The following KRAS variants were observed in gnomAD, a reference collection of about 807,000 sequenced individuals.
KRAS encodes KRas proto-oncogene, GTPase.
In KRAS, 1 loss-of-function variant was observed where a neutral mutation model predicts 21.0. The observed-to-expected ratio is 0.05, with a 90% CI of 0.02 to 0.23. The LOEUF is 0.23. KRAS is among the 10% of genes least tolerant of loss of function. KRAS has a pLI of 1.00. For missense variants in KRAS, 107 were observed against 221.8 expected (o/e 0.48, Z 3.29); for synonymous variants, 67 against 72.5 (o/e 0.92, Z 0.39).
rs1951139844 is a variant in KRAS, at chr12:25,206,481, A to T, written c.*3314T>A. Reference sequence around the variant, plus strand: ...AGAATTCTCCCCCTTTAAAATCTCTACAAAAACAAATCTTTTGTTAAACCA... The same window carrying T: ...AGAATTCTCCCCCTTTAAAATCTCTTCAAAAACAAATCTTTTGTTAAACCA... On this transcript the variant is annotated 3_prime_UTR_variant, in exon 5 of 5. Transcript: ENST00000311936. 1 of 204,066 alleles carries T rather than the reference A, an allele frequency of 4.9e-6. No homozygotes were observed. The highest frequency in any genetic ancestry group is 1.0e-5 in the Non-Finnish European group (1 of 99,768). 12.6% of individuals were successfully genotyped at this position (204,066 alleles called of 1,614,324 possible).
At chr12:25,211,950 T>TA (rs1183607799) in intron 4 of KRAS, among the ~76,000 whole-genome samples, 1 of 152,176 alleles carries the variant, frequency 6.6e-6, no homozygotes, top group Non-Finnish European at 1.5e-5. Flanking sequence ...GGAAAAGTGG[T>TA]AAGAAATAAT....
intron 1 of KRAS, 91 bp from the exon 2 acceptor site, chr12:25,245,486 A>G (rs763532641): frequency 8.0e-7 from 1 of 1,249,194 alleles, no homozygotes; most frequent in Non-Finnish European, 1.1e-6. Context: ...GTACCTTTTA[A>G]TACAAACTCA....
At chr12:25,245,607 A>G (rs1485574028) in intron 1 of KRAS, among the ~76,000 whole-genome samples, 1 of 152,242 alleles carries the variant, frequency 6.6e-6, no homozygotes, top group Non-Finnish European at 1.5e-5. Context: ...AAACTCCTCC[A>G]TCGACGCTTA....
chr12:25,236,521 T>G (rs548657816), intron 2 of KRAS, among the ~76,000 whole-genome samples: 11 of 152,066 alleles, frequency 7.2e-5, no homozygotes, highest in African/African-American at 1.9e-4. Flanking sequence ...AGTGTTTTTT[T>G]GCCTTTCAGT....
intron 2 of KRAS, chr12:25,233,974 G>C (rs961833984): frequency 5.2e-6 from 1 of 192,786 alleles, no homozygotes. Flanking sequence ...GAATGTTCAC[G>C]ACAAATGCCC....
At chr12:25,215,592 T>C (rs1344475404) in intron 4 of KRAS, 1 of 1,568,586 alleles carries the variant, frequency 6.4e-7, no homozygotes, top group Non-Finnish European at 8.8e-7. Flanking sequence ...CTTTAAAGTC[T>C]GTTGCATTGG....
At chr12:25,239,153 GTTAT>G (rs1032070189) in intron 2 of KRAS, among the ~76,000 whole-genome samples, 4 of 152,126 alleles carry the variant, frequency 2.6e-5, no homozygotes, top group African/African-American at 9.7e-5. Context: ...ATATGTTCAT[GTTAT>G]TTATTTTATT....
intron 4 of KRAS, among the ~76,000 whole-genome samples, chr12:25,223,585 T>C (rs916847511): frequency 1.3e-5 from 2 of 152,172 alleles, no homozygotes; most frequent in Non-Finnish European, 2.9e-5. Context: ...GAAATTCAGT[T>C]TTTAATCCTC....
intron 2 of KRAS, among the ~76,000 whole-genome samples, chr12:25,239,477 G>C (rs973305505): frequency 2.0e-5 from 3 of 152,158 alleles, no homozygotes; most frequent in African/African-American, 7.2e-5. Flanking sequence ...GAAACCTAAA[G>C]TTAAATCACT....
At chr12:25,248,591 G>A (rs1951719126) in intron 1 of KRAS, among the ~76,000 whole-genome samples, 1 of 148,480 alleles carries the variant, frequency 6.7e-6, no homozygotes, top group Non-Finnish European at 1.5e-5. Flanking sequence ...ACTTGTTTAT[G>A]CGGTGGTTGT....
chr12:25,248,459 CAA>C (rs1400531883), intron 1 of KRAS, among the ~76,000 whole-genome samples: 1 of 152,042 alleles, frequency 6.6e-6, no homozygotes, highest in South Asian at 2.1e-4. Flanking sequence ...CTCAAAAAAA[CAA>C]AGAGGGTAGA....
At chr12:25,232,043 A>G (rs887805918) in intron 2 of KRAS, among the ~76,000 whole-genome samples, 9 of 152,196 alleles carry the variant, frequency 5.9e-5, no homozygotes, top group African/African-American at 2.2e-4. Context: ...AGGAACATCC[A>G]GGTATATGAA....
rs529925358 is a variant in KRAS, at chr12:25,215,464, T to C, written c.451-5553A>G. 1.5e-5 allele frequency: 24 copies of C among 1,612,748 alleles called. No individual in the cohort carries two copies. The South Asian group carries it at 2.3e-4, about 15-fold the overall frequency. Reference sequence around the variant, plus strand: ...GATTACATTATAATGCATTTTTTAATTTTCACACAGCCAGGAGTCTTTTCT... The same window carrying C: ...GATTACATTATAATGCATTTTTTAACTTTCACACAGCCAGGAGTCTTTTCT... On this transcript the variant is annotated intron_variant, in intron 4 of 4. Coordinates refer to ENST00000311936, the MANE Select transcript of KRAS (RefSeq NM_004985.5).
Position 25,225,706 on chromosome 12 carries a change from A to G in KRAS, c.358T>C (p.Leu120=). The G allele has an allele frequency of 6.2e-7, 1 of 1,613,232 alleles. No homozygotes were observed. Among genetic ancestry groups the G allele is most frequent in the African/African-American group, 1.3e-5 (1 of 75,010 alleles). The change falls in exon 4 of 5, where the codon TTG becomes CTG. Residue 120 remains leucine, a synonymous_variant. Transcript: ENST00000311936. ...TTTGTGTCTACTGTTCTAGAAGGCA[A>G]ATCACATTTATTTCCTACTAGGACC... is the stretch of plus-strand genomic sequence containing the variant. ...PMVLVGNKCD[L]PSRTVDTKQA... is the part of the protein sequence containing the mutation.
At chr12:25,225,440 C>A in intron 4 of KRAS, 174 bp downstream of exon 4, 1 of 593,958 alleles carries the variant, frequency 1.7e-6, no homozygotes, top group East Asian at 3.0e-5. Flanking sequence ...AAGCCAAAAG[C>A]AGTACCATGG....
chr12:25,244,314 G>A (rs1371440078), intron 2 of KRAS, among the ~76,000 whole-genome samples: 1 of 152,168 alleles, frequency 6.6e-6, no homozygotes, highest in Non-Finnish European at 1.5e-5. Context: ...CCAGGGTAAA[G>A]AAGCCTAAGA....
rs1371279234 is a variant in KRAS at position 25,208,273 on chromosome 12, T to G, written c.*1522A>C. The G allele has an allele frequency of 4.3e-6, 1 of 233,176 alleles. No individual in the cohort carries two copies. The highest frequency in any genetic ancestry group is 8.5e-6 in the Non-Finnish European group (1 of 117,826). 14.4% of individuals were successfully genotyped at this position (233,176 alleles called of 1,614,324 possible). A position where few individuals can be genotyped will look rare whatever the true frequency, so the allele number is the denominator to read the frequency against. On this transcript the variant is annotated 3_prime_UTR_variant, in exon 5 of 5. Coordinates refer to ENST00000311936, the MANE Select transcript of KRAS (RefSeq NM_004985.5). Reference sequence around the variant, plus strand: ...TCCTAAAAGACACCTATCTAGAACCTAAGTCACCTTCTTCCTAGTCCAGTG... The same window carrying G: ...TCCTAAAAGACACCTATCTAGAACCGAAGTCACCTTCTTCCTAGTCCAGTG...
At chr12:25,226,954 T>C (rs1017395317) in intron 3 of KRAS, among the ~76,000 whole-genome samples, 1 of 152,156 alleles carries the variant, frequency 6.6e-6, no homozygotes, top group Admixed American at 6.5e-5. Flanking sequence ...AAGTTTAAAG[T>C]CTTGCTTTTG....
intron 4 of KRAS, among the ~76,000 whole-genome samples, chr12:25,224,724 C>A (rs1185911785): frequency 6.6e-6 from 1 of 152,048 alleles, no homozygotes; most frequent in African/African-American, 2.4e-5. Context: ...ACATACTGTA[C>A]AGGTTTGTAT....
Sources: gnomAD v4.1 joint callset for allele counts (sites outside exome capture counted in the v4.1 genomes callset) on GRCh38, gnomAD v4.1.1 for gene constraint, MANE v1.5 for transcripts, NCBI Gene and HGNC (gene_info 2026-07-23, HGNC 2026-07-21) for gene names.